Variants in PRKDC observed in about 807,000 individuals in gnomAD.
The protein encoded by PRKDC is protein kinase, DNA-activated, catalytic subunit, also known as DNA-dependent protein kinase catalytic subunit.
In PRKDC, 82 loss-of-function variants were observed where a neutral mutation model predicts 486.9. The observed-to-expected ratio is 0.17, with a 90% confidence interval of 0.14 to 0.20. PRKDC has a LOEUF of 0.20. PRKDC is among the 10% of genes least tolerant of loss of function. The pLI is 1.00. For synonymous variants in PRKDC, 1,895 were observed against 1,837.0 expected, an observed-to-expected ratio of 1.03 and a Z score of -0.81; for missense variants, 4,504 against 5,038.2, an observed-to-expected ratio of 0.89 and a Z score of 3.21.
intron 68 of PRKDC, among the ~76,000 whole-genome samples, chr8:47,816,257 C>T (rs986141006): frequency 2.6e-5 from 4 of 152,014 alleles, no homozygotes; most frequent in South Asian, 2.1e-4. Context: ...CTGTGCCCCA[C>T]GTGTGATTTG....
At chr8:47,900,508 T>C (rs1370897398) in intron 27 of PRKDC, 41 bp from the exon 28 acceptor site, 1 of 1,483,214 alleles carries the variant, frequency 6.7e-7, no homozygotes, top group Non-Finnish European at 9.2e-7. Context: ...AAGAAAACAA[T>C]AAAGCAGAAA....
rs772649725 is a variant in PRKDC, at chr8:47,774,379, TG to T, written c.12183-3del. On this transcript the variant is annotated splice_polypyrimidine_tract_variant and splice_region_variant and intron_variant, in intron 85 of 85. Transcript: ENST00000314191. ...TCATGACCCAGGAGTAGCTCATCAC[TG>T]GAAAAAAAACAAACACAGAAAACAC... 6.2e-7 allele frequency: 1 copy of T among 1,610,798 alleles called. No homozygotes were observed. The highest frequency in any genetic ancestry group is 1.1e-5 in the South Asian group (1 of 90,472).
At chr8:47,816,421 A>G (rs113692626) in intron 68 of PRKDC, among the ~76,000 whole-genome samples, 2,177 of 152,302 alleles carry the variant, frequency 0.014, 40 homozygotes, top group African/African-American at 0.042. Context: ...TCAGATAAAT[A>G]GAGTCCATCA....
Position 47,939,446 on chromosome 8 carries a change from C to T in PRKDC, c.1113+105G>A, listed in dbSNP as rs1425571446. On this transcript the variant is annotated intron_variant, in intron 11 of 85. Coordinates refer to ENST00000314191, the MANE Select transcript of PRKDC (RefSeq NM_006904.7). ...CACGCCCATGTTATTCAAGGGTCTA[C>T]TGTATTGTTACAAGTATTAGACACT... The T allele has an allele frequency of 9.3e-6, 12 of 1,296,786 alleles. No homozygotes were observed. In the Admixed American group the frequency reaches 1.0e-4, roughly 11 times the overall value. The allele number at this position is 1,296,786 out of a possible 1,614,324, so 80.3% of individuals were successfully genotyped here.
At chr8:47,839,767 A>C (rs1036514118) in intron 55 of PRKDC, among the ~76,000 whole-genome samples, 5 of 152,168 alleles carry the variant, frequency 3.3e-5, no homozygotes, top group Admixed American at 3.3e-4. Flanking sequence ...GATCCCTAAA[A>C]TGTTAATGTT....
intron 68 of PRKDC, among the ~76,000 whole-genome samples, chr8:47,817,021 T>G (rs931790539): frequency 1.3e-5 from 2 of 152,138 alleles, no homozygotes; most frequent in East Asian, 3.8e-4. Context: ...ACCTGAGACC[T>G]GGGAAAGTGA....
intron 18 of PRKDC, 44 bp from the exon 19 acceptor site, chr8:47,929,222 G>A (rs2090208964): frequency 7.5e-7 from 1 of 1,339,764 alleles, no homozygotes; most frequent in Non-Finnish European, 1.0e-6. Flanking sequence ...CAAGAATCGG[G>A]AGACTGTATC....
chr8:47,832,005 C>A, intron 59 of PRKDC, 79 bp from the exon 60 acceptor site: 1 of 1,335,596 alleles, frequency 7.5e-7, no homozygotes, highest in Non-Finnish European at 1.1e-6. Flanking sequence ...CCTCGGGTTT[C>A]CTCAAAGACA....
rs2087122217 is a variant in PRKDC at position 47,802,193 on chromosome 8, C to T, written c.9922+1113G>A. 2.6e-5 allele frequency among the ~76,000 whole-genome samples: 4 copies of T among 152,310 alleles called. No individual in the cohort carries two copies. In the South Asian group the frequency reaches 8.3e-4, roughly 32 times the overall value. Reference sequence around the variant, plus strand: ...CTGATCTCAAGCCATCCTCCCGCCTCAGACTCCCCAGTAGCTGGGACTATG... The same window carrying T: ...CTGATCTCAAGCCATCCTCCCGCCTTAGACTCCCCAGTAGCTGGGACTATG... On this transcript the variant is annotated intron_variant, in intron 70 of 85. Transcript: ENST00000314191.
At chr8:47,823,742 C>A (rs559154953) in intron 64 of PRKDC, 116 bp downstream of exon 64, 25 of 1,254,778 alleles carry the variant, frequency 2.0e-5, no homozygotes, top group Non-Finnish European at 2.7e-5. Context: ...AACATTGTAA[C>A]GAAAAGACAT....
intron 22 of PRKDC, among the ~76,000 whole-genome samples, chr8:47,917,199 G>T (rs1164722927): frequency 1.3e-5 from 2 of 152,000 alleles, no homozygotes; most frequent in Non-Finnish European, 2.9e-5. Context: ...AAGCTGCAGT[G>T]AGCTGAGATC....
intron 11 of PRKDC, among the ~76,000 whole-genome samples, chr8:47,937,952 G>A (rs1289037009): frequency 1.3e-5 from 2 of 152,038 alleles, no homozygotes; most frequent in African/African-American, 2.4e-5. Context: ...TCGTCTCTAC[G>A]AAAGATTAAA....
chr8:47,775,204 TAAATA>T (rs2086584763), intron 85 of PRKDC, among the ~76,000 whole-genome samples: 3 of 150,966 alleles, frequency 2.0e-5, no homozygotes, highest in African/African-American at 7.3e-5. Context: ...AATAAATAAA[TAAATA>T]AATAAATTAA....
intron 20 of PRKDC, 93 bp downstream of exon 20, chr8:47,927,678 G>A: frequency 7.2e-7 from 1 of 1,379,588 alleles, no homozygotes; most frequent in South Asian, 1.9e-5. Context: ...GGAAACGCCT[G>A]CTGGGACTGC....
At position 47,774,327 on chromosome 8, in the gene PRKDC, A is replaced by G. The variant is rs2086567804; in HGVS notation, c.12233T>C (p.Val4078Ala). The G allele has an allele frequency of 6.2e-7, 1 of 1,613,474 alleles. No individual in the cohort carries two copies. Among genetic ancestry groups the G allele is most frequent in the African/African-American group, 1.3e-5 (1 of 74,914 alleles). Residue 4078 changes from valine to alanine, a missense_variant, in exon 86 of 86, where the codon GTG becomes GCG. By Grantham distance (64) the Val-to-Ala change is moderately conservative (BLOSUM62 0). Coordinates refer to ENST00000314191, the MANE Select transcript of PRKDC (RefSeq NM_006904.7). ...ATCTTTGCTTCCTCGTGCCACAGCCACATAGTCTCTGAAGGCAGGGGCCTT... is the reference window on the plus strand; with the variant it reads ...ATCTTTGCTTCCTCGTGCCACAGCCGCATAGTCTCTGAAGGCAGGGGCCTT... ...HEKAPAFRDYVAVARGSKDHN... is the reference protein window; with the variant it reads ...HEKAPAFRDYAAVARGSKDHN...
chr8:47,863,518 T>G lies in PRKDC; in HGVS notation c.5631A>C (p.Leu1877=). 1.2e-6 allele frequency: 2 copies of G among 1,612,988 alleles called. No individual in the cohort carries two copies. The highest frequency in any genetic ancestry group is 1.7e-6 in the Non-Finnish European group (2 of 1,179,328). The part of the protein sequence containing the change: ...ITKKMGYYKI[L]DVMYSRLPKD... The stretch of plus-strand genomic sequence containing the variant: ...TGGGAAGGCGAGAATACATCACGTC[T>G]AGAATCTTATAGTAGCCCATCTTCT... Residue 1877 remains leucine, a synonymous_variant, in exon 42 of 86, where the codon CTA becomes CTC. Transcript: ENST00000314191.
chr8:47,933,822 T>A, intron 15 of PRKDC, 143 bp downstream of exon 15: 1 of 881,208 alleles, frequency 1.1e-6, no homozygotes, highest in Non-Finnish European at 1.6e-6. Flanking sequence ...ATTCATACGG[T>A]TTTAATTTTT....
chr8:47,918,213 T>C, intron 22 of PRKDC, 64 bp downstream of exon 22: 2 of 1,090,508 alleles, frequency 1.8e-6, no homozygotes, highest in Non-Finnish European at 2.6e-6. Flanking sequence ...TTTTTACTTT[T>C]CACAAGTGTT....
Position 47,826,756 on chromosome 8 carries a change from C to T in PRKDC, c.8683G>A (p.Glu2895Lys). ...QQPVGIRLLE[E>K]ALLRLLPAEL... ...GCAGGCAGCAGGCGGAGCAGAGCCTCCTCTAGCAGGCGGATGCCCACGGGC... is the reference window on the plus strand; with the variant it reads ...GCAGGCAGCAGGCGGAGCAGAGCCTTCTCTAGCAGGCGGATGCCCACGGGC... Residue 2895 changes from glutamate (E) to lysine (K), a missense_variant, in exon 63 of 86, where the codon GAG (glutamate) becomes AAG (lysine). Coordinates refer to ENST00000314191, the MANE Select transcript of PRKDC (RefSeq NM_006904.7). 6.2e-7 allele frequency: 1 copy of T among 1,612,848 alleles called. No individual in the cohort carries two copies. Among genetic ancestry groups the T allele is most frequent in the Non-Finnish European group, 8.5e-7 (1 of 1,179,606 alleles).
Sources: allele counts gnomAD v4.1 joint callset (sites outside exome capture counted in the v4.1 genomes callset), GRCh38; gene constraint gnomAD v4.1.1; transcripts MANE v1.5; gene names NCBI Gene and HGNC (gene_info 2026-07-23, HGNC 2026-07-21).